Variants in ANKFN1 observed in about 807,000 individuals in gnomAD.
ANKFN1 encodes the protein ankyrin repeat and fibronectin type III domain containing 1.
In ANKFN1, 74 loss-of-function variants were observed where a neutral mutation model predicts 108.7. The observed-to-expected ratio is 0.68, with a 90% CI of 0.56 to 0.83. ANKFN1 has a LOEUF of 0.83. Among genes scored for constraint, ANKFN1 ranks in the 40% least tolerant of loss-of-function variants. The pLI is 0.00. For synonymous variants in ANKFN1, 547 were observed against 516.2 expected (o/e 1.06, Z -0.81); for missense variants, 1,505 against 1,382.3 (o/e 1.09, Z -1.41).
At chr17:56,328,083 A>G (rs1335374900) in intron 4 of ANKFN1, among the ~76,000 whole-genome samples, 2 of 152,252 alleles carry the variant, frequency 1.3e-5, no homozygotes, top group Non-Finnish European at 2.9e-5. Context: ...GTAAATAAAA[A>G]GGATTTTAAA....
At chr17:56,096,158 G>A (rs1354663999) in intron 4 of ANKFN1, among the ~76,000 whole-genome samples, 1 of 152,176 alleles carries the variant, frequency 6.6e-6, no homozygotes, top group Non-Finnish European at 1.5e-5. Flanking sequence ...GTCCACATTT[G>A]TCCCTTCTCT....
At chr17:56,200,162 A>G (rs1913919973) in intron 1 of ANKFN1, among the ~76,000 whole-genome samples, 1 of 152,242 alleles carries the variant, frequency 6.6e-6, no homozygotes, top group Non-Finnish European at 1.5e-5. Context: ...AGAGGAACAA[A>G]CAGGTGTGAA....
chr17:56,132,088 G>A (rs551663867), intron 4 of ANKFN1, among the ~76,000 whole-genome samples: 1 of 152,176 alleles, frequency 6.6e-6, no homozygotes, highest in Non-Finnish European at 1.5e-5. Context: ...CTCATGATAG[G>A]TAGTTCGTGA....
chr17:56,312,477 A>G (rs1216238466), intron 3 of ANKFN1, among the ~76,000 whole-genome samples: 1 of 152,094 alleles, frequency 6.6e-6, no homozygotes, highest in Non-Finnish European at 1.5e-5. Context: ...CTTTAGTTGA[A>G]TCCCTAACAT....
chr17:56,172,665 T>C (rs1040020151), intron 1 of ANKFN1, among the ~76,000 whole-genome samples: 1 of 152,080 alleles, frequency 6.6e-6, no homozygotes, highest in Non-Finnish European at 1.5e-5. Flanking sequence ...TGCCAAGTAA[T>C]TGGAGACAGG....
intron 1 of ANKFN1, among the ~76,000 whole-genome samples, chr17:56,205,514 A>G (rs1246012332): frequency 6.6e-6 from 1 of 152,140 alleles, no homozygotes; most frequent in Non-Finnish European, 1.5e-5. Context: ...TAAAACCTAA[A>G]CTTATTCTAC....
In ANKFN1 at chr17:56,368,276, C is replaced by CTT. The variant is rs71137202; in HGVS notation, c.602-4350_602-4349dup. ...CAAACTTGAATAAACTGAAAATGAACTTTTTTTTTTTTTTTTTTTTTGAGA... is the reference window on the plus strand; with the variant it reads ...CAAACTTGAATAAACTGAAAATGAACTTTTTTTTTTTTTTTTTTTTTTTGAGA... On this transcript the variant is annotated intron_variant, in intron 6 of 20. Coordinates refer to ENST00000682825, the MANE Select transcript of ANKFN1 (RefSeq NM_001370326.1). 379 of 65,950 alleles carry CTT rather than the reference C, an allele frequency of 5.7e-3. 50 individuals are homozygous for CTT. Among genetic ancestry groups the CTT allele is most frequent in the African/African-American group, 0.013 (301 of 22,500 alleles). 4.1% of individuals were successfully genotyped at this position (65,950 alleles called of 1,614,324 possible).
At chr17:56,080,883 CCA>C (rs1905237781) in intron 4 of ANKFN1, among the ~76,000 whole-genome samples, 1 of 152,144 alleles carries the variant, frequency 6.6e-6, no homozygotes, top group African/African-American at 2.4e-5. Flanking sequence ...ACACATTCAC[CCA>C]CATGCTTGAG....
intron 3 of ANKFN1, among the ~76,000 whole-genome samples, chr17:56,306,600 A>C (rs1310149669): frequency 1.3e-5 from 2 of 152,252 alleles, no homozygotes; most frequent in African/African-American, 4.8e-5. Context: ...ATGGAAGAAC[A>C]TTCCATGCTC....
At chr17:56,155,631 C>T (rs1233341393) in intron 1 of ANKFN1, among the ~76,000 whole-genome samples, 4 of 151,952 alleles carry the variant, frequency 2.6e-5, no homozygotes, top group Non-Finnish European at 4.4e-5. Context: ...GTCTGAGGAC[C>T]CCCGTAAGTA....
chr17:56,497,304 G>A (rs552543835), intron 19 of ANKFN1, among the ~76,000 whole-genome samples: 1 of 152,212 alleles, frequency 6.6e-6, no homozygotes, highest in Non-Finnish European at 1.5e-5. Flanking sequence ...TGAACTTCCT[G>A]CCCAACTGAC....
intron 4 of ANKFN1, among the ~76,000 whole-genome samples, chr17:56,116,603 T>C (rs966373734): frequency 1.3e-5 from 2 of 152,146 alleles, no homozygotes; most frequent in Admixed American, 6.6e-5. Context: ...GCCTCCTCTC[T>C]CATCGGCTCC....
intron 18 of ANKFN1, among the ~76,000 whole-genome samples, chr17:56,485,145 C>A (rs2050817984): frequency 6.6e-6 from 1 of 152,126 alleles, no homozygotes; most frequent in Non-Finnish European, 1.5e-5. Flanking sequence ...CTATTCCAGG[C>A]ACTGAAGAAT....
At chr17:56,199,242 G>A (rs1402918733) in intron 1 of ANKFN1, among the ~76,000 whole-genome samples, 10 of 132,678 alleles carry the variant, frequency 7.5e-5, no homozygotes, top group South Asian at 4.7e-4. Flanking sequence ...TTCCCATTAC[G>A]TTTTCTAGCT....
chr17:56,472,213 A>G (rs1301912648), intron 15 of ANKFN1: 1 of 152,188 alleles, frequency 6.6e-6, no homozygotes, highest in Non-Finnish European at 1.5e-5. Flanking sequence ...TTGAAAATCA[A>G]AAATTTTGGT....
upstream of ANKFN1, among the ~76,000 whole-genome samples, chr17:56,152,260 A>ATGTGTGTGTGTGTGTGTGTGTGTGTGTG (rs747513318): frequency 7.8e-6 from 1 of 128,626 alleles, no homozygotes; most frequent in Non-Finnish European, 1.6e-5. Context: ...ATATATATAT[A>ATGTGTGTGTGTGTGTGTGTGTGTGTGTG]TATGTGTGTG....
chr17:56,232,769 C>T (rs1916837593), intron 3 of ANKFN1, among the ~76,000 whole-genome samples: 1 of 152,090 alleles, frequency 6.6e-6, no homozygotes, highest in South Asian at 2.1e-4. Context: ...ACTCAATCAA[C>T]AGAATCAAAT....
intron 4 of ANKFN1, among the ~76,000 whole-genome samples, chr17:56,072,291 C>A (rs190505620): frequency 4.9e-4 from 75 of 152,194 alleles, no homozygotes; most frequent in African/African-American, 1.7e-3. Context: ...GTCTTTCATT[C>A]ATTTCCTTTT....
intron 9 of ANKFN1, among the ~76,000 whole-genome samples, chr17:56,440,773 T>C (rs1208740378): frequency 2.0e-5 from 3 of 152,058 alleles, no homozygotes; most frequent in Non-Finnish European, 4.4e-5. Flanking sequence ...TGTCTGATGG[T>C]AAAAATAACA....
Sources: gnomAD v4.1 joint callset for allele counts (sites outside exome capture counted in the v4.1 genomes callset) on GRCh38, gnomAD v4.1.1 for gene constraint, MANE v1.5 for transcripts, NCBI Gene and HGNC (gene_info 2026-07-23, HGNC 2026-07-21) for gene names.